Variants in PCSK2 observed in about 807,000 individuals in gnomAD.
PCSK2 encodes the protein proprotein convertase subtilisin/kexin type 2, also known as neuroendocrine convertase 2.
A neutral mutation model predicts 69.7 loss-of-function variants in PCSK2; 14 were observed. The ratio of observed to expected loss-of-function variants is 0.20; its 90% CI spans 0.13 to 0.31. The LOEUF (loss-of-function observed/expected upper bound fraction) is 0.31, where lower values mean the gene tolerates loss of function less well. Among genes scored for constraint, PCSK2 ranks in the 10% least tolerant of loss-of-function variants. The pLI is 1.00. For synonymous variants in PCSK2, 307 were observed against 320.7 expected (o/e 0.96, Z 0.46); for missense variants, 544 against 842.5 (o/e 0.65, Z 4.39).
At chr20:17,255,642 T>G (rs573996112) in intron 1 of PCSK2, among the ~76,000 whole-genome samples, 1 of 152,248 alleles carries the variant, frequency 6.6e-6, no homozygotes, top group Admixed American at 6.5e-5. Flanking sequence ...CACCCAGCCT[T>G]CATTCCTAAT....
At chr20:17,372,411 AT>A (rs2030796445) in intron 5 of PCSK2, among the ~76,000 whole-genome samples, 1 of 150,100 alleles carries the variant, frequency 6.7e-6, no homozygotes, top group African/African-American at 2.4e-5. Context: ...AAATAAATAA[AT>A]AAATAAATAA....
At chr20:17,365,471 T>A (rs1238856007) in intron 4 of PCSK2, among the ~76,000 whole-genome samples, 2 of 152,154 alleles carry the variant, frequency 1.3e-5, no homozygotes, top group African/African-American at 4.8e-5. Context: ...AAAATTTGTG[T>A]CCTTCACATA....
At position 17,259,099 on chromosome 20, in the gene PCSK2, A is replaced by G. The variant is rs188868158; in HGVS notation, c.178-1141A>G. ...ATCTCAGATTGGCCCCATCTATGTT[A>G]GAAAACTTTTCTATCAAATCAACCA... is the stretch of plus-strand genomic sequence containing the variant. On this transcript the variant is annotated intron_variant, in intron 1 of 11. Coordinates refer to ENST00000262545, the MANE Select transcript of PCSK2 (RefSeq NM_002594.5). 4.7e-4 allele frequency among the ~76,000 whole-genome samples: 72 copies of G among 152,208 alleles called. 1 individual carries two copies. The highest frequency in any genetic ancestry group is 4.7e-3 in the Admixed American group (72 of 15,278).
At chr20:17,269,274 T>C (rs1209767226) in intron 2 of PCSK2, among the ~76,000 whole-genome samples, 2 of 152,074 alleles carry the variant, frequency 1.3e-5, no homozygotes, top group African/African-American at 4.8e-5. Flanking sequence ...GAAATGAGTG[T>C]AGATATAGAA....
chr20:17,418,188 T>G (rs1256316187), intron 6 of PCSK2, among the ~76,000 whole-genome samples: 1 of 152,222 alleles, frequency 6.6e-6, no homozygotes, highest in Non-Finnish European at 1.5e-5. Flanking sequence ...CAACTAATTC[T>G]CGTAGTAACC....
At chr20:17,364,571 G>A (rs564029357) in intron 4 of PCSK2, among the ~76,000 whole-genome samples, 1 of 152,244 alleles carries the variant, frequency 6.6e-6, no homozygotes, top group Non-Finnish European at 1.5e-5. Flanking sequence ...CAGATCTTGC[G>A]AGACTTATTC....
At chr20:17,359,215 A>G (rs986009951) in intron 3 of PCSK2, among the ~76,000 whole-genome samples, 1 of 152,252 alleles carries the variant, frequency 6.6e-6, no homozygotes, top group Non-Finnish European at 1.5e-5. Context: ...GTGGACGGCT[A>G]CATTACAGGA....
intron 2 of PCSK2, among the ~76,000 whole-genome samples, chr20:17,352,484 G>A (rs1248337386): frequency 6.6e-6 from 1 of 152,158 alleles, no homozygotes; most frequent in Non-Finnish European, 1.5e-5. Context: ...CAGCATGGTA[G>A]TGGTACAAAA....
At chr20:17,396,269 T>C (rs902907137) in intron 5 of PCSK2, among the ~76,000 whole-genome samples, 2 of 152,200 alleles carry the variant, frequency 1.3e-5, no homozygotes, top group Non-Finnish European at 2.9e-5. Flanking sequence ...ACTCCAAGAA[T>C]CAGGCTTCAA....
chr20:17,458,745 A>G (rs956737010), intron 10 of PCSK2, among the ~76,000 whole-genome samples: 1 of 152,178 alleles, frequency 6.6e-6, no homozygotes, highest in South Asian at 2.1e-4. Context: ...GAAAAAGAAA[A>G]CCATCTCTCT....
intron 11 of PCSK2, among the ~76,000 whole-genome samples, chr20:17,466,985 G>A (rs2033114233): frequency 6.6e-6 from 1 of 152,180 alleles, no homozygotes. Context: ...TCTACCTTGA[G>A]AATACACCTC....
intron 6 of PCSK2, among the ~76,000 whole-genome samples, chr20:17,429,020 A>AAAAAAAAAAAAAAAAAAAAAAT (rs2032308485): frequency 6.7e-6 from 1 of 149,062 alleles, no homozygotes; most frequent in African/African-American, 2.5e-5. Context: ...AAAAAAAAAA[A>AAAAAAAAAAAAAAAAAAAAAAT]AAAAAAAAAG....
chr20:17,432,363 C>G (rs1270260914), intron 7 of PCSK2, among the ~76,000 whole-genome samples: 1 of 152,042 alleles, frequency 6.6e-6, no homozygotes, highest in African/African-American at 2.4e-5. Context: ...ACATGTAGAC[C>G]CGCACATACG....
intron 3 of PCSK2, among the ~76,000 whole-genome samples, chr20:17,358,879 G>A (rs561677165): frequency 3.9e-5 from 6 of 152,334 alleles, no homozygotes; most frequent in Admixed American, 3.9e-4. Flanking sequence ...AAAGCTTGGA[G>A]ACTAAAGTAG....
chr20:17,283,212 A>C (rs765101106), intron 2 of PCSK2, among the ~76,000 whole-genome samples: 1 of 152,222 alleles, frequency 6.6e-6, no homozygotes, highest in Non-Finnish European at 1.5e-5. Flanking sequence ...TAGAAAGATG[A>C]TAGATAGAGA....
At chr20:17,476,191 T>G (rs942073553) in intron 11 of PCSK2, among the ~76,000 whole-genome samples, 1 of 152,188 alleles carries the variant, frequency 6.6e-6, no homozygotes, top group Non-Finnish European at 1.5e-5. Flanking sequence ...CTGCTTTTCC[T>G]AGAGCCTGTG....
chr20:17,393,808 A>G (rs2123276597), intron 5 of PCSK2, among the ~76,000 whole-genome samples: 1 of 152,280 alleles, frequency 6.6e-6, no homozygotes, highest in African/African-American at 2.4e-5. Flanking sequence ...TGCTTACAAC[A>G]CCTCCATAGC....
chr20:17,446,336 A>G (rs1316020861), intron 8 of PCSK2, among the ~76,000 whole-genome samples: 9 of 152,198 alleles, frequency 5.9e-5, no homozygotes, highest in Non-Finnish European at 1.3e-4. Context: ...TTTTCCAGAG[A>G]ACCTGATACC....
At chr20:17,437,403 G>A (rs982628037) in intron 8 of PCSK2, among the ~76,000 whole-genome samples, 1 of 152,228 alleles carries the variant, frequency 6.6e-6, no homozygotes, top group African/African-American at 2.4e-5. Context: ...GAGCTGAGGA[G>A]AAGGAAGCTG....
Sources: allele counts gnomAD v4.1 joint callset (sites outside exome capture counted in the v4.1 genomes callset), GRCh38; gene constraint gnomAD v4.1.1; transcripts MANE v1.5; gene names NCBI Gene and HGNC (gene_info 2026-07-23, HGNC 2026-07-21).